The following DAPK1 variants were observed in gnomAD, a reference collection of about 807,000 sequenced individuals.
DAPK1 encodes the protein death associated protein kinase 1.
Under a neutral mutation model 144.9 loss-of-function variants are expected in DAPK1, and 56 were observed. The observed-to-expected ratio is 0.39, with a 90% CI of 0.31 to 0.48. The LOEUF (loss-of-function observed/expected upper bound fraction) is 0.48, where lower values mean the gene tolerates loss of function less well. Among genes scored for constraint, DAPK1 ranks in the 20% least tolerant of loss-of-function variants. The pLI is 0.95. For missense variants in DAPK1, 1,454 were observed against 1,875.4 expected, an observed-to-expected ratio of 0.78 and a Z score of 4.15; for synonymous variants, 690 against 749.0, an observed-to-expected ratio of 0.92 and a Z score of 1.29.
At chr9:87,586,218 A>T (rs1827937883) in intron 2 of DAPK1, among the ~76,000 whole-genome samples, 1 of 152,052 alleles carries the variant, frequency 6.6e-6, no homozygotes, top group African/African-American at 2.4e-5. Flanking sequence ...AGCCCAGGGG[A>T]TCCAGGCTAT....
intron 2 of DAPK1, among the ~76,000 whole-genome samples, chr9:87,597,535 G>A (rs1456004431): frequency 1.3e-5 from 2 of 152,142 alleles, no homozygotes; most frequent in African/African-American, 4.8e-5. Flanking sequence ...AGAAGTTCAC[G>A]AAGCTTAGAC....
At chr9:87,527,922 G>A (rs967331453) in intron 2 of DAPK1, among the ~76,000 whole-genome samples, 9 of 152,212 alleles carry the variant, frequency 5.9e-5, no homozygotes, top group South Asian at 4.1e-4. Context: ...CCAAAATGCC[G>A]AAGTCATTAA....
intron 2 of DAPK1, among the ~76,000 whole-genome samples, chr9:87,502,358 C>T (rs1356506889): frequency 6.6e-6 from 1 of 152,022 alleles, no homozygotes; most frequent in Non-Finnish European, 1.5e-5. Context: ...ACCCTCTGTC[C>T]CAGGAGGCGG....
chr9:87,557,379 G>A (rs572217292), intron 2 of DAPK1, among the ~76,000 whole-genome samples: 2 of 152,108 alleles, frequency 1.3e-5, no homozygotes, highest in Admixed American at 6.5e-5. Flanking sequence ...TGCCTTCCTC[G>A]TCCTTCCAAA....
chr9:87,641,987 G>T lies in DAPK1; in HGVS notation c.847G>T (p.Ala283Ser). The stretch of plus-strand genomic sequence containing the variant: ...ATTTTAGCCTAAAGATACACAACAG[G>T]CACTTAGTAGAAAAGCATCAGCAGT... ...PWIKPKDTQQ[A>S]LSRKASAVNM... The change falls in exon 10 of 26, where the codon GCA (alanine) becomes TCA (serine). Residue 283 changes from alanine to serine, a missense_variant. Physicochemically the swap from Ala to Ser is moderately conservative, Grantham distance 99. Coordinates refer to ENST00000408954, the MANE Select transcript of DAPK1 (RefSeq NM_004938.4). 2 of 1,613,682 alleles carry T rather than the reference G, an allele frequency of 1.2e-6. No homozygotes were observed. Among genetic ancestry groups the T allele is most frequent in the Non-Finnish European group, 1.7e-6 (2 of 1,179,830 alleles).
chr9:87,675,949 C>T (rs959895047), intron 19 of DAPK1, among the ~76,000 whole-genome samples: 9 of 150,552 alleles, frequency 6.0e-5, no homozygotes, highest in East Asian at 2.0e-4. Context: ...CCTTGGAGTT[C>T]GGTTCTGCCT....
chr9:87,590,320 A>G (rs1374808458), intron 2 of DAPK1, among the ~76,000 whole-genome samples: 1 of 149,814 alleles, frequency 6.7e-6, no homozygotes, highest in Non-Finnish European at 1.5e-5. Flanking sequence ...CTTTGGTTCC[A>G]CCTTAACAGT....
chr9:87,612,157 T>C (rs963161561), intron 3 of DAPK1, among the ~76,000 whole-genome samples: 1 of 152,176 alleles, frequency 6.6e-6, no homozygotes, highest in African/African-American at 2.4e-5. Context: ...CTAAATTTCT[T>C]CTTAAAGTCC....
intron 24 of DAPK1, chr9:87,701,894 AGATAGGGG>A (rs1451803133): frequency 2.1e-6 from 1 of 470,300 alleles, no homozygotes; most frequent in Non-Finnish European, 4.4e-6. Flanking sequence ...CATCATCAGA[AGATAGGGG>A]GTAGTCCGGT....
At chr9:87,677,004 C>T (rs555649865) in intron 19 of DAPK1, among the ~76,000 whole-genome samples, 50 of 152,286 alleles carry the variant, frequency 3.3e-4, no homozygotes, top group African/African-American at 1.1e-3. Flanking sequence ...TTTCCTCATC[C>T]GAAAGGGAGG....
In DAPK1 at chr9:87,681,514, A is replaced by G. The variant is rs375297962; in HGVS notation, c.2112A>G (p.Val704=). 6 of 1,609,940 alleles carry G rather than the reference A, an allele frequency of 3.7e-6. No individual in the cohort carries two copies. In the African/African-American group the frequency reaches 8.0e-5, roughly 21 times the overall value. ...CGGGATCCGGGAAAACCACCCTTGT[A>G]GAATCTCTCAAGTGTGGGCTGCTGA... ...GHSGSGKTTL[V]ESLKCGLLRS... Residue 704 remains valine (V), a synonymous_variant, in exon 20 of 26, where the codon GTA becomes GTG. Coordinates refer to ENST00000408954, the MANE Select transcript of DAPK1 (RefSeq NM_004938.4).
chr9:87,706,589 G>A lies in DAPK1; in HGVS notation c.3518G>A (p.Gly1173Asp), dbSNP rs1457526427. The change falls in exon 26 of 26, where the codon GGC (glycine) becomes GAC (aspartate). Residue 1173 changes from glycine to aspartate, a missense_variant. Gly to Asp is a moderately conservative substitution (Grantham distance 94, BLOSUM62 -1). Coordinates refer to ENST00000408954, the MANE Select transcript of DAPK1 (RefSeq NM_004938.4). This position sits in a 1 kb window ranked among gnomAD's most constrained non-coding sequence, Gnocchi z 9.0. ...GDADIRLWVN[G>D]CKLANRGAEL... is the part of the protein sequence containing the mutation. ...GCGGACATCCGCCTGTGGGTGAATGGCTGCAAGCTGGCCAACCGTGGGGCC... is the reference window on the plus strand; with the variant it reads ...GCGGACATCCGCCTGTGGGTGAATGACTGCAAGCTGGCCAACCGTGGGGCC... 8 of 1,613,772 alleles carry A rather than the reference G, an allele frequency of 5.0e-6. No individual in the cohort carries two copies. The highest frequency in any genetic ancestry group is 6.8e-6 in the Non-Finnish European group (8 of 1,179,846).
chr9:87,552,899 T>A (rs1203588429), intron 2 of DAPK1, among the ~76,000 whole-genome samples: 1 of 152,116 alleles, frequency 6.6e-6, no homozygotes, highest in East Asian at 1.9e-4. Context: ...TGAGCCTGGC[T>A]ATATTTACCA....
intron 3 of DAPK1, among the ~76,000 whole-genome samples, chr9:87,624,393 C>A (rs1400980994): frequency 1.3e-5 from 2 of 152,190 alleles, no homozygotes; most frequent in Non-Finnish European, 2.9e-5. Flanking sequence ...AGGTCAGGTC[C>A]TCCAAAACAG....
chr9:87,650,002 G>T lies in DAPK1; in HGVS notation c.1510G>T (p.Val504Leu). The change falls in exon 16 of 26, where the codon GTG becomes TTG. Residue 504 changes from valine (V) to leucine (L), a missense_variant. Transcript: ENST00000408954. ...AKALCEAGCN[V>L]NIKNREGETP... ...AGCCCTTTGTGAAGCCGGCTGTAAC[G>T]TGAACATCAAGAACCGAGAAGGAGA... The T allele has an allele frequency of 6.2e-7, 1 of 1,614,164 alleles. No individual in the cohort carries two copies. Among genetic ancestry groups the T allele is most frequent in the African/African-American group, 1.3e-5 (1 of 75,050 alleles).
At chr9:87,632,556 G>A in intron 3 of DAPK1, 2 of 972,158 alleles carry the variant, frequency 2.1e-6, no homozygotes, top group Non-Finnish European at 2.4e-6. Context: ...ATGTAGGGAT[G>A]AAGGAGGATG....
At chr9:87,651,414 A>T in intron 16 of DAPK1, 113 bp from the exon 17 acceptor site, 1 of 1,002,062 alleles carries the variant, frequency 1.0e-6, no homozygotes, top group Non-Finnish European at 1.6e-6. Context: ...TAGGGCTTTT[A>T]GTAGTGATCT....
chr9:87,671,802 C>T (rs1201880696), intron 19 of DAPK1, among the ~76,000 whole-genome samples: 1 of 152,254 alleles, frequency 6.6e-6, no homozygotes, highest in African/African-American at 2.4e-5. Flanking sequence ...GCGTGAGCCA[C>T]TGCACCTGGT....
intron 2 of DAPK1, among the ~76,000 whole-genome samples, chr9:87,556,247 A>C (rs1026802378): frequency 5.3e-5 from 8 of 152,188 alleles, no homozygotes; most frequent in Non-Finnish European, 7.3e-5. Context: ...TACCTCATTT[A>C]ATCTTCACAA....
Sources: allele counts gnomAD v4.1 joint callset (sites outside exome capture counted in the v4.1 genomes callset), GRCh38; gene constraint gnomAD v4.1.1; non-coding constraint Gnocchi (gnomAD v3.1); transcripts MANE v1.5; gene names NCBI Gene and HGNC (gene_info 2026-07-23, HGNC 2026-07-21).